The following RUNX2 variants were observed in gnomAD, a reference collection of about 807,000 sequenced individuals.
RUNX2 encodes the protein RUNX family transcription factor 2.
In RUNX2, 10 loss-of-function variants were observed where a neutral mutation model predicts 51.7. The observed-to-expected ratio is 0.19, with a 90% CI of 0.12 to 0.33. RUNX2 has a LOEUF of 0.33. Ranked by LOEUF, RUNX2 falls within the 10% of genes least tolerant of loss-of-function variation. The pLI is 1.00. For missense variants in RUNX2, 562 were observed against 691.3 expected (o/e 0.81, Z 2.10); for synonymous variants, 276 against 273.6 (o/e 1.01, Z -0.09).
chr6:45,502,829 A>G (rs967004723), intron 6 of RUNX2, among the ~76,000 whole-genome samples: 2 of 152,248 alleles, frequency 1.3e-5, no homozygotes, highest in African/African-American at 4.8e-5. Flanking sequence ...AAGGTGACCT[A>G]TTGCATTTAG....
chr6:45,394,274 A>G (rs1480992021), intron 2 of RUNX2, among the ~76,000 whole-genome samples: 1 of 152,098 alleles, frequency 6.6e-6, no homozygotes, highest in Admixed American at 6.6e-5. Context: ...TGAGGAAAGC[A>G]CCAAGCCATT....
intron 7 of RUNX2, among the ~76,000 whole-genome samples, chr6:45,542,613 G>C (rs965088202): frequency 1.3e-5 from 2 of 152,160 alleles, no homozygotes; most frequent in Non-Finnish European, 2.9e-5. Flanking sequence ...AGGCCTAAAA[G>C]AGTTATTAAT....
chr6:45,389,327 C>A (rs924165029), intron 2 of RUNX2, among the ~76,000 whole-genome samples: 2 of 152,180 alleles, frequency 1.3e-5, no homozygotes, highest in African/African-American at 4.8e-5. Flanking sequence ...ACTACTTTCA[C>A]GATCTGGGAG....
chr6:45,442,195 G>T (rs947825000), intron 5 of RUNX2, among the ~76,000 whole-genome samples: 1 of 152,158 alleles, frequency 6.6e-6, no homozygotes, highest in Admixed American at 6.5e-5. Context: ...ACATGAAAAT[G>T]GTACACATCT....
At chr6:45,329,376 C>T (rs1786997492) in intron 2 of RUNX2, among the ~76,000 whole-genome samples, 1 of 151,924 alleles carries the variant, frequency 6.6e-6, no homozygotes, top group African/African-American at 2.4e-5. Flanking sequence ...TATAAGTATA[C>T]ATTCAGCTGA....
intron 2 of RUNX2, among the ~76,000 whole-genome samples, chr6:45,330,243 A>G (rs1053724016): frequency 1.3e-4 from 19 of 151,956 alleles, no homozygotes; most frequent in African/African-American, 3.1e-4. Context: ...ACCAAGTATT[A>G]CTCTAAAAAC....
chr6:45,428,113 A>G (rs1798434338), intron 3 of RUNX2, among the ~76,000 whole-genome samples: 1 of 152,198 alleles, frequency 6.6e-6, no homozygotes, highest in Non-Finnish European at 1.5e-5. Flanking sequence ...GTACTTTTGT[A>G]TTGGGTAGGA....
intron 2 of RUNX2, chr6:45,365,413 C>A: frequency 1.4e-6 from 1 of 706,830 alleles, no homozygotes. Flanking sequence ...ATTTAAATTT[C>A]TGATTTGTTT....
At chr6:45,361,494 T>G (rs1222310092) in intron 2 of RUNX2, 1 of 152,142 alleles carries the variant, frequency 6.6e-6, no homozygotes, top group East Asian at 1.9e-4. Flanking sequence ...CAAAGTGCAT[T>G]TAAATTAATT....
chr6:45,468,068 G>T (rs191452505), intron 5 of RUNX2, among the ~76,000 whole-genome samples: 467 of 152,286 alleles, frequency 3.1e-3, no homozygotes, highest in Non-Finnish European at 5.3e-3. Context: ...CCAAGTACAG[G>T]CTTCTCAGGC....
intron 2 of RUNX2, among the ~76,000 whole-genome samples, chr6:45,395,513 A>T (rs1237386121): frequency 6.6e-6 from 1 of 152,244 alleles, no homozygotes; most frequent in Admixed American, 6.5e-5. Context: ...TTCCTAAAAC[A>T]TAAGAAGAGA....
chr6:45,356,420 C>CA (rs1486232059), intron 2 of RUNX2, among the ~76,000 whole-genome samples: 1 of 151,376 alleles, frequency 6.6e-6, no homozygotes, highest in Admixed American at 6.6e-5. Flanking sequence ...TTTTTTGAGA[C>CA]AGAGTCTCAC....
chr6:45,463,120 A>T (rs1799521346), intron 5 of RUNX2, among the ~76,000 whole-genome samples: 1 of 152,222 alleles, frequency 6.6e-6, no homozygotes, highest in South Asian at 2.1e-4. Flanking sequence ...AATGACTTTT[A>T]AAAAGAAGGA....
intron 2 of RUNX2, among the ~76,000 whole-genome samples, chr6:45,382,190 A>T (rs1250794509): frequency 6.6e-6 from 1 of 152,200 alleles, no homozygotes; most frequent in Admixed American, 6.5e-5. Flanking sequence ...ATTTCAACGG[A>T]TTGTTGTAGG....
At chr6:45,381,339 AT>A (rs1411558255) in intron 2 of RUNX2, among the ~76,000 whole-genome samples, 1 of 152,212 alleles carries the variant, frequency 6.6e-6, no homozygotes, top group Non-Finnish European at 1.5e-5. Context: ...TTCCTTCAAA[AT>A]GGGAATAGCC....
chr6:45,457,064 A>T (rs1179852459), intron 5 of RUNX2, among the ~76,000 whole-genome samples: 1 of 152,208 alleles, frequency 6.6e-6, no homozygotes, highest in Non-Finnish European at 1.5e-5. Flanking sequence ...CAATTTTTAT[A>T]TGCATTTTTT....
intron 6 of RUNX2, among the ~76,000 whole-genome samples, chr6:45,495,877 G>A (rs1448469062): frequency 6.6e-6 from 1 of 152,216 alleles, no homozygotes; most frequent in African/African-American, 2.4e-5. Context: ...CCTAATTAAA[G>A]TGGTTTCCAC....
intron 5 of RUNX2, among the ~76,000 whole-genome samples, chr6:45,442,352 G>A (rs532988989): frequency 1.2e-4 from 18 of 152,320 alleles, no homozygotes; most frequent in South Asian, 8.3e-4. Context: ...ACTGTCAGCC[G>A]GAGAAGTGGT....
intron 6 of RUNX2, among the ~76,000 whole-genome samples, chr6:45,503,111 C>G (rs1800847872): frequency 6.6e-6 from 1 of 152,146 alleles, no homozygotes; most frequent in African/African-American, 2.4e-5. Flanking sequence ...GAGAAGCTTT[C>G]CCTGATGCTC....
Sources: allele counts gnomAD v4.1 joint callset (sites outside exome capture counted in the v4.1 genomes callset), GRCh38; gene constraint gnomAD v4.1.1; transcripts MANE v1.5; gene names NCBI Gene and HGNC (gene_info 2026-07-23, HGNC 2026-07-21).